Variants in LAMB4 observed in about 807,000 individuals in gnomAD.
LAMB4 encodes laminin subunit beta 4.
LAMB4 carries 196 observed loss-of-function variants against 199.2 expected under a neutral mutation model. The ratio of observed to expected loss-of-function variants is 0.98; its 90% CI spans 0.88 to 1.11. The LOEUF is 1.11. Among genes scored for constraint, LAMB4 ranks in the 50% least tolerant of loss-of-function variants. The probability of loss-of-function intolerance (pLI) is 0.00; values close to 1 mark genes in which losing one functional copy is unlikely to be tolerated. For synonymous variants in LAMB4, 744 were observed against 770.6 expected, an observed-to-expected ratio of 0.97 and a Z score of 0.57; for missense variants, 2,080 against 2,171.2, an observed-to-expected ratio of 0.96 and a Z score of 0.83.
intron 2 of LAMB4, among the ~76,000 whole-genome samples, chr7:108,122,750 C>T (rs1289081998): frequency 1.3e-5 from 2 of 152,182 alleles, no homozygotes; most frequent in Non-Finnish European, 2.9e-5. Flanking sequence ...CTGCTGCTTA[C>T]TTAGAAGAGG....
intron 3 of LAMB4, among the ~76,000 whole-genome samples, chr7:108,114,738 T>C (rs555638566): frequency 6.6e-6 from 1 of 152,362 alleles, no homozygotes; most frequent in South Asian, 2.1e-4. Context: ...ATTAGGCTTA[T>C]GTCCAACTTC....
intron 17 of LAMB4, among the ~76,000 whole-genome samples, chr7:108,074,357 A>G (rs1208070226): frequency 1.3e-5 from 2 of 152,210 alleles, no homozygotes. Context: ...AATTGAATGC[A>G]ATATTTTATT....
intron 31 of LAMB4, 56 bp from the exon 32 acceptor site, chr7:108,031,035 G>T: frequency 6.6e-7 from 1 of 1,511,884 alleles, no homozygotes; most frequent in South Asian, 1.2e-5. Flanking sequence ...CAAACAAGAA[G>T]ATAAACGATA....
rs570545216 is a variant in LAMB4, at chr7:108,031,101, C to G, written c.4819-122G>C. ...AAAGGAAAAGAAAATAGTGCCTCCA[C>G]TTTTTCTGTTGCATTTATTTAAAAT... On this transcript the variant is annotated intron_variant, in intron 31 of 33. Coordinates refer to ENST00000388781, the MANE Select transcript of LAMB4 (RefSeq NM_007356.3). 7 of 622,026 alleles carry G rather than the reference C, an allele frequency of 1.1e-5. No individual in the cohort carries two copies. In the South Asian group the frequency reaches 2.0e-4, roughly 18 times the overall value. The allele number at this position is 622,026 out of a possible 1,614,324, so 38.5% of individuals were successfully genotyped here. A position where few individuals can be genotyped will look rare whatever the true frequency, so the allele number is the denominator to read the frequency against.
At chr7:108,120,907 C>A (rs536222084) in intron 2 of LAMB4, among the ~76,000 whole-genome samples, 24 of 151,844 alleles carry the variant, frequency 1.6e-4, no homozygotes, top group Non-Finnish European at 2.8e-4. Context: ...AAAATATATT[C>A]CAGGACTTAG....
chr7:108,069,703 C>G lies in LAMB4; in HGVS notation c.2302+5G>C. 4 of 1,612,408 alleles carry G rather than the reference C, an allele frequency of 2.5e-6. No individual in the cohort carries two copies. The highest frequency in any genetic ancestry group is 3.4e-6 in the Non-Finnish European group (4 of 1,178,886). On this transcript the variant is annotated splice_donor_5th_base_variant and intron_variant, in intron 18 of 33. Transcript: ENST00000388781. ...CTCAGTAGAGCCCATTAAACAGATACTTACCCACAGCCCCATCATGCAGCT... is the reference window on the plus strand; with the variant it reads ...CTCAGTAGAGCCCATTAAACAGATAGTTACCCACAGCCCCATCATGCAGCT...
At position 108,029,113 on chromosome 7, in the gene LAMB4, T is replaced by G. The variant is rs768148967; in HGVS notation, c.5076A>C (p.Lys1692Asn). The change falls in exon 33 of 34, where the codon AAA (lysine) becomes AAC (asparagine). Residue 1692 changes from lysine to asparagine, a missense_variant. Transcript: ENST00000388781. ...TTGLTKETLG[K>N]VKQLKDAAEK... ...CTGCCGCATCTTTTAGCTGTTTAACTTTTCCTAATGTCTCCTTTGTTAGTC... is the reference window on the plus strand; with the variant it reads ...CTGCCGCATCTTTTAGCTGTTTAACGTTTCCTAATGTCTCCTTTGTTAGTC... 6.2e-7 allele frequency: 1 copy of G among 1,614,150 alleles called. No individual in the cohort carries two copies. Among genetic ancestry groups the G allele is most frequent in the African/African-American group, 1.3e-5 (1 of 75,066 alleles).
intron 23 of LAMB4, among the ~76,000 whole-genome samples, chr7:108,061,876 G>A (rs1017195899): frequency 2.6e-5 from 4 of 152,196 alleles, no homozygotes; most frequent in African/African-American, 9.6e-5. Context: ...TTGAATAATA[G>A]GTTGAATAGT....
rs1437604149 is a variant in LAMB4 at position 108,076,928 on chromosome 7, A to C, written c.2124+16T>G. ...TAGTAGCGAAGAAAGCACCCACAAA[A>C]CTCTGTGATACTTACAGAGTCCACC... is the stretch of plus-strand genomic sequence containing the variant. On this transcript the variant is annotated intron_variant, in intron 17 of 33. Transcript: ENST00000388781. The C allele has an allele frequency of 4.3e-6, 7 of 1,613,186 alleles. No individual in the cohort carries two copies. Among genetic ancestry groups the C allele is most frequent in the South Asian group, 1.1e-5 (1 of 90,932 alleles).
chr7:108,111,515 CTTA>C (rs931683588), intron 4 of LAMB4, among the ~76,000 whole-genome samples: 17 of 152,242 alleles, frequency 1.1e-4, no homozygotes, highest in Admixed American at 6.5e-4. Flanking sequence ...AAACTTTCTT[CTTA>C]TTATTATTTT....
At chr7:108,040,147 A>C (rs1207004654) in intron 29 of LAMB4, among the ~76,000 whole-genome samples, 1 of 152,186 alleles carries the variant, frequency 6.6e-6, no homozygotes, top group East Asian at 1.9e-4. Flanking sequence ...CCAGGAAGGC[A>C]ATCTCATTCA....
chr7:108,091,504 T>C, intron 14 of LAMB4, 122 bp downstream of exon 14: 2 of 1,107,016 alleles, frequency 1.8e-6, no homozygotes, highest in South Asian at 3.1e-5. Flanking sequence ...AACTCTGATC[T>C]GCATCTTTGG....
intron 3 of LAMB4, 114 bp downstream of exon 3, chr7:108,115,890 T>G: frequency 8.8e-7 from 1 of 1,139,424 alleles, no homozygotes; most frequent in Non-Finnish European, 1.2e-6. Context: ...AGTGTCTCCA[T>G]TGTTTAAAAA....
At chr7:108,018,809 C>G (rs115677846), downstream of LAMB4, among the ~76,000 whole-genome samples, 210 of 152,316 alleles carry the variant, frequency 1.4e-3, 2 homozygotes, top group African/African-American at 4.9e-3. Flanking sequence ...TGTCCCCTGC[C>G]TGGTGCTGGC....
the LAMB4 span, among the ~76,000 whole-genome samples, chr7:108,014,658 A>T: frequency 3.9e-5 from 6 of 152,104 alleles, no homozygotes; most frequent in African/African-American, 1.4e-4. Context: ...ATAGGAATGT[A>T]TGATTGCTGT....
intron 19 of LAMB4, 86 bp downstream of exon 19, chr7:108,067,930 A>T: frequency 1.3e-6 from 2 of 1,542,714 alleles, no homozygotes; most frequent in South Asian, 2.3e-5. Flanking sequence ...TCTCCTTCCC[A>T]TTAAAACCCC....
At chr7:108,100,087 A>G (rs1372306570) in intron 10 of LAMB4, among the ~76,000 whole-genome samples, 2 of 152,220 alleles carry the variant, frequency 1.3e-5, no homozygotes, top group Non-Finnish European at 2.9e-5. Context: ...TGAGTTCCAG[A>G]GAATAATTTA....
At chr7:108,068,851 A>T (rs963449369) in intron 18 of LAMB4, among the ~76,000 whole-genome samples, 1 of 151,578 alleles carries the variant, frequency 6.6e-6, no homozygotes. Flanking sequence ...GTGCCATCAC[A>T]CCTGGCTAAT....
At chr7:108,024,710 CATTG>C (rs1459408997) in intron 33 of LAMB4, among the ~76,000 whole-genome samples, 1 of 141,796 alleles carries the variant, frequency 7.1e-6, no homozygotes, top group African/African-American at 3.1e-5. Flanking sequence ...TCCATCGATC[CATTG>C]ATCCATCCAT....
Sources: gnomAD v4.1 joint callset for allele counts (sites outside exome capture counted in the v4.1 genomes callset) on GRCh38, gnomAD v4.1.1 for gene constraint, MANE v1.5 for transcripts, NCBI Gene and HGNC (gene_info 2026-07-23, HGNC 2026-07-21) for gene names.